CNOT2: variants seen among roughly 807,000 people sequenced by gnomAD.
The protein encoded by CNOT2 is CC chemokine receptor 4-negative regulator of transcription 2.
A neutral mutation model predicts 72.1 loss-of-function variants in CNOT2; 7 were observed. That is an observed-to-expected ratio of 0.10 (90% confidence interval 0.06 to 0.18). CNOT2 has a LOEUF of 0.18. CNOT2 is among the 10% of genes least tolerant of loss of function. CNOT2 has a pLI of 1.00. For missense variants in CNOT2, 345 were observed against 660.3 expected (o/e 0.52, Z 5.23); for synonymous variants, 196 against 225.6 (o/e 0.87, Z 1.17).
In CNOT2 at chr12:70,310,861, T is replaced by C. The variant is rs201352266; in HGVS notation, c.49-34T>C. ...AGGTAACACTGAACATTTTCCAAAG[T>C]ATTACCCCTGATAAAAGTAATATTT... is the stretch of plus-strand genomic sequence containing the variant. On this transcript the variant is annotated intron_variant, in intron 2 of 15. Coordinates refer to ENST00000229195, the MANE Select transcript of CNOT2 (RefSeq NM_014515.7). 9.5e-4 allele frequency: 1,524 copies of C among 1,600,410 alleles called. 1 individual carries two copies. Among genetic ancestry groups the C allele is most frequent in the Non-Finnish European group, 1.2e-3 (1,458 of 1,170,904 alleles).
At chr12:70,310,873 T>C (rs756708431) in intron 2 of CNOT2, 22 bp from the exon 3 acceptor site, 14 of 1,607,360 alleles carry the variant, frequency 8.7e-6, no homozygotes, top group Non-Finnish European at 1.2e-5. Context: ...TTACCCCTGA[T>C]AAAAGTAATA....
intron 2 of CNOT2, among the ~76,000 whole-genome samples, chr12:70,284,087 A>G (rs1870422051): frequency 1.3e-5 from 2 of 151,666 alleles, no homozygotes; most frequent in South Asian, 4.2e-4. Context: ...GATTACAGGC[A>G]TGTGCCACCA....
At chr12:70,252,383 C>T (rs148682606) in intron 1 of CNOT2, among the ~76,000 whole-genome samples, 169 of 152,220 alleles carry the variant, frequency 1.1e-3, no homozygotes, top group African/African-American at 3.9e-3. Flanking sequence ...GACAGGGTTC[C>T]TCCATGTTGC....
intron 1 of CNOT2, among the ~76,000 whole-genome samples, chr12:70,247,428 T>A: frequency 6.6e-6 from 1 of 152,156 alleles, no homozygotes; most frequent in East Asian, 1.9e-4. Flanking sequence ...AGTGCTGGGA[T>A]TACAGGCATG....
chr12:70,316,005 C>CT (rs1186916548), intron 3 of CNOT2, among the ~76,000 whole-genome samples: 2 of 152,138 alleles, frequency 1.3e-5, no homozygotes, highest in African/African-American at 4.8e-5. Flanking sequence ...TTATTAGCAG[C>CT]TGCTGCTACC....
chr12:70,291,415 G>C (rs928986076), intron 2 of CNOT2, among the ~76,000 whole-genome samples: 28 of 152,066 alleles, frequency 1.8e-4, no homozygotes, highest in African/African-American at 6.8e-4. Flanking sequence ...TTCTACCAAG[G>C]CACTTTTCTA....
At chr12:70,253,984 G>A (rs964234067) in intron 1 of CNOT2, among the ~76,000 whole-genome samples, 16 of 152,008 alleles carry the variant, frequency 1.1e-4, no homozygotes, top group African/African-American at 3.9e-4. Context: ...CACGCCTGTA[G>A]TCCCAACACT....
intron 9 of CNOT2, 171 bp from the exon 10 acceptor site, chr12:70,338,272 G>T: frequency 3.8e-6 from 2 of 525,960 alleles, no homozygotes; most frequent in Non-Finnish European, 6.6e-6. Context: ...GGATTTATTT[G>T]TATACCATGG....
chr12:70,304,233 C>G lies in CNOT2; in HGVS notation c.49-6662C>G, dbSNP rs928875610. The stretch of plus-strand genomic sequence containing the variant: ...AGTCATTCTCGGTCCAGCTTTGTTC[C>G]GTTGCTGGTGAGGAGCTACATTCCT... On this transcript the variant is annotated intron_variant, in intron 2 of 15. Coordinates refer to ENST00000229195, the MANE Select transcript of CNOT2 (RefSeq NM_014515.7). 9.2e-5 allele frequency among the ~76,000 whole-genome samples: 14 copies of G among 152,270 alleles called. No individual in the cohort carries two copies. In the East Asian group the frequency reaches 2.1e-3, roughly 23 times the overall value.
At chr12:70,308,867 A>C (rs11613565) in intron 2 of CNOT2, among the ~76,000 whole-genome samples, 14,519 of 152,188 alleles carry the variant, frequency 0.095, 899 homozygotes, top group Middle Eastern at 0.19. Context: ...ATTTGATGAG[A>C]GATGCCTTGA....
intron 1 of CNOT2, among the ~76,000 whole-genome samples, chr12:70,268,824 G>C (rs1959166864): frequency 6.6e-6 from 1 of 152,048 alleles, no homozygotes; most frequent in African/African-American, 2.4e-5. Flanking sequence ...ATAAGTCCGT[G>C]TTTCAAGAAA....
At chr12:70,245,013 G>T (rs1408585442) in intron 1 of CNOT2, among the ~76,000 whole-genome samples, 3 of 152,168 alleles carry the variant, frequency 2.0e-5, no homozygotes, top group Non-Finnish European at 4.4e-5. Context: ...GTTTGGGAAT[G>T]CTTGGCATAA....
intron 11 of CNOT2, among the ~76,000 whole-genome samples, chr12:70,339,452 A>T (rs1264610621): frequency 6.6e-6 from 1 of 152,010 alleles, no homozygotes; most frequent in East Asian, 1.9e-4. Flanking sequence ...GTCAGTCATA[A>T]TTGTTCATTT....
In CNOT2 at chr12:70,337,492, A is replaced by G. The variant is rs780256665; in HGVS notation, c.879A>G (p.Ser293=). The change falls in exon 9 of 16, where the codon TCA becomes TCG. Residue 293 remains serine, a synonymous_variant. Transcript: ENST00000229195. ...GCTCCAGCTATAAAGATCCAACATCAAGTAATGATGACAGTAAATCTGTAA... is the reference window on the plus strand; with the variant it reads ...GCTCCAGCTATAAAGATCCAACATCGAGTAATGATGACAGTAAATCTGTAA... ...LPGSSYKDPT[S]SNDDSKSNLN... is the part of the protein sequence containing the mutation. The G allele has an allele frequency of 3.7e-6, 6 of 1,611,816 alleles. No homozygotes were observed. The East Asian group carries it at 1.1e-4, about 30-fold the overall frequency.
intron 2 of CNOT2, among the ~76,000 whole-genome samples, chr12:70,286,571 A>G (rs549600646): frequency 6.7e-6 from 1 of 149,814 alleles, no homozygotes; most frequent in East Asian, 2.0e-4. Context: ...ATATGCATGG[A>G]TTTCTTATGT....
At chr12:70,318,513 A>G (rs916136970) in intron 3 of CNOT2, among the ~76,000 whole-genome samples, 3 of 151,816 alleles carry the variant, frequency 2.0e-5, no homozygotes, top group African/African-American at 7.2e-5. Context: ...CTCACTGCAT[A>G]TTCTTGAGGG....
chr12:70,338,061 C>T (rs140518264), intron 9 of CNOT2: 2,451 of 218,022 alleles, frequency 0.011, 144 homozygotes, highest in Admixed American at 0.1. Context: ...TTCAAGGTAG[C>T]TTTGGTGATT....
At chr12:70,335,116 C>A in intron 7 of CNOT2, 1 of 183,372 alleles carries the variant, frequency 5.5e-6, no homozygotes, top group Non-Finnish European at 1.1e-5. Flanking sequence ...TAACAATCTC[C>A]CTCTTGTTAG....
chr12:70,300,623 C>T (rs190241731), intron 2 of CNOT2, among the ~76,000 whole-genome samples: 7 of 152,062 alleles, frequency 4.6e-5, no homozygotes, highest in Non-Finnish European at 8.8e-5. Flanking sequence ...GTTACTGTAG[C>T]CTTGTAGTAT....
Sources: gnomAD v4.1 joint callset for allele counts (sites outside exome capture counted in the v4.1 genomes callset) on GRCh38, gnomAD v4.1.1 for gene constraint, MANE v1.5 for transcripts, NCBI Gene and HGNC (gene_info 2026-07-23, HGNC 2026-07-21) for gene names.